MARVELD3: variants seen among roughly 807,000 people sequenced by gnomAD.
MARVELD3 encodes the protein MARVEL domain containing 3.
MARVELD3 carries 28 observed loss-of-function variants against 33.5 expected under a neutral mutation model. The ratio of observed to expected loss-of-function variants is 0.84; its 90% CI spans 0.62 to 1.15. The LOEUF is 1.15. Ranked by LOEUF, MARVELD3 falls within the 50% of genes most tolerant of loss-of-function variation. The probability of loss-of-function intolerance (pLI) is 0.00; values close to 1 mark genes in which losing one functional copy is unlikely to be tolerated. For synonymous variants in MARVELD3, 241 were observed against 230.4 expected, an observed-to-expected ratio of 1.05 and a Z score of -0.42; for missense variants, 582 against 547.6, an observed-to-expected ratio of 1.06 and a Z score of -0.63.
downstream of MARVELD3, chr16:71,639,128 A>G (rs2044600516): frequency 7.8e-6 from 1 of 128,086 alleles, no homozygotes. Context: ...CTAGAATACA[A>G]TGGCGCAATC....
intron 1 of MARVELD3, among the ~76,000 whole-genome samples, chr16:71,627,145 C>T (rs867914214): frequency 3.5e-4 from 54 of 152,232 alleles, no homozygotes; most frequent in Admixed American, 2.0e-4. Flanking sequence ...CCGGGCCGCC[C>T]ACTTGGGAAG....
downstream of MARVELD3, chr16:71,641,097 T>C (rs984236147): frequency 3.3e-6 from 5 of 1,513,670 alleles, no homozygotes; most frequent in African/African-American, 5.6e-5. Flanking sequence ...AAACTCCGCA[T>C]TAGACAACTA....
At position 71,626,963 on chromosome 16, in the gene MARVELD3, G is replaced by A; in HGVS notation, c.467+267G>A. The A allele has an allele frequency of 2.5e-6, 1 of 396,978 alleles. No individual in the cohort carries two copies. The highest frequency in any genetic ancestry group is 4.4e-6 in the Non-Finnish European group (1 of 227,518). 24.6% of individuals were successfully genotyped at this position (396,978 alleles called of 1,614,324 possible). ...CTGGAGGACCTGGAGAAGAGAAAGA[G>A]AGGCCCCGGGACCCGAGAGGGAGGG... On this transcript the variant is annotated intron_variant, in intron 1 of 2. Transcript: ENST00000268485. The surrounding 1 kb of genome is among the most constrained non-coding windows in gnomAD (Gnocchi z 5.3).
At chr16:71,641,843 G>A (rs1005165465) in exon 3 of MARVELD3, 5 of 152,178 alleles carry the variant, frequency 3.3e-5, no homozygotes, top group African/African-American at 1.2e-4. Context: ...TGCATTCCCT[G>A]ACAGTGCTCC....
Position 71,626,533 on chromosome 16 carries a change from G to A in MARVELD3, c.304G>A (p.Gly102Ser). The A allele has an allele frequency of 3.2e-6, 5 of 1,549,672 alleles. No individual in the cohort carries two copies. The highest frequency in any genetic ancestry group is 4.4e-6 in the Non-Finnish European group (5 of 1,146,804). The change falls in exon 1 of 3, where the codon GGT (glycine) becomes AGT (serine). Residue 102 changes from glycine (G) to serine (S), a missense_variant. Physicochemically the swap from Gly to Ser is moderately conservative, Grantham distance 56. Transcript: ENST00000268485. The surrounding 1 kb of genome is among the most constrained non-coding windows in gnomAD (Gnocchi z 5.3). ...ACACAGGGACGCGGGCCCTCGCGCA[G>A]GTGAACACGGAGTTTGGGAAAAACC... ...DTHRDAGPRAGEHGVWEKPRQ... is the reference protein window; with the variant it reads ...DTHRDAGPRASEHGVWEKPRQ...
rs769578928 is a variant in MARVELD3 at position 71,629,421 on chromosome 16, G to A, written c.522G>A (p.Glu174=). 2 of 1,584,090 alleles carry A rather than the reference G, an allele frequency of 1.3e-6. No homozygotes were observed. Among genetic ancestry groups the A allele is most frequent in the Admixed American group, 1.8e-5 (1 of 54,296 alleles). The change falls in exon 2 of 3, where the codon GAG becomes GAA. Residue 174 remains glutamate, a synonymous_variant. Transcript: ENST00000268485. ...LPSTPRPGRE[E]VEYYQSEAEG... ...CGACCCCCAGGCCTGGACGAGAGGA[G>A]GTGGAATATTACCAGTCAGAGGCGG...
chr16:71,628,862 G>C (rs1338161898), intron 1 of MARVELD3, among the ~76,000 whole-genome samples: 2 of 152,320 alleles, frequency 1.3e-5, no homozygotes, highest in Admixed American at 1.3e-4. Context: ...AGCAAGGAGA[G>C]AAGGGACAGA....
chr16:71,628,048 C>T (rs2044491797), intron 1 of MARVELD3, among the ~76,000 whole-genome samples: 1 of 152,180 alleles, frequency 6.6e-6, no homozygotes, highest in African/African-American at 2.4e-5. Context: ...CTGCTATGTC[C>T]ACACAGCGGG....
In MARVELD3 at chr16:71,634,560, G is replaced by A. The variant is rs1329573315; in HGVS notation, c.963G>A (p.Leu321=). Residue 321 remains leucine (L), a synonymous_variant, in exon 3 of 3, where the codon TTG becomes TTA. Transcript: ENST00000268485. ...MLIAGGYIPA[L]YFYFHYLSAA... is the part of the protein sequence containing the mutation. The stretch of plus-strand genomic sequence containing the variant: ...TCGCGGGGGGGTACATCCCGGCCTT[G>A]TACTTCTACTTCCACTACCTCTCTG... The A allele has an allele frequency of 1.5e-5, 25 of 1,614,178 alleles. No homozygotes were observed. The highest frequency in any genetic ancestry group is 2.0e-5 in the Non-Finnish European group (24 of 1,180,042).
Position 71,634,463 on chromosome 16 carries a change from C to G in MARVELD3, c.866C>G (p.Ala289Gly), listed in dbSNP as rs1223759837. Residue 289 changes from alanine (A) to glycine (G), a missense_variant, in exon 3 of 3, where the codon GCC becomes GGC. By Grantham distance (60) the Ala-to-Gly change is moderately conservative (BLOSUM62 0). Transcript: ENST00000268485. ...ALTALCCLFV[A>G]MGVLRVPWHC... ...ACAGCCCTCTGCTGCCTCTTCGTTGCCATGGGTGTCCTGCGGGTCCCGTGG... is the reference window on the plus strand; with the variant it reads ...ACAGCCCTCTGCTGCCTCTTCGTTGGCATGGGTGTCCTGCGGGTCCCGTGG... The G allele has an allele frequency of 1.9e-6, 3 of 1,614,076 alleles. No individual in the cohort carries two copies. Among genetic ancestry groups the G allele is most frequent in the Non-Finnish European group, 1.7e-6 (2 of 1,180,036 alleles).
rs747648304 is a variant in MARVELD3, at chr16:71,634,745, A to T, written c.1148A>T (p.Lys383Met). ...VFALGAVLAIKGYRKVRKLKE... is the reference protein window; with the variant it reads ...VFALGAVLAIMGYRKVRKLKE... ...GCCCTGGGGGCTGTCCTGGCCATAA[A>T]GGGCTACCGAAAAGTTAGGAAGCTA... Residue 383 changes from lysine (K) to methionine (M), a missense_variant, in exon 3 of 3, where the codon AAG (lysine) becomes ATG (methionine). By Grantham distance (95) the Lys-to-Met change is moderately conservative (BLOSUM62 -1). Coordinates refer to ENST00000268485, the MANE Select transcript of MARVELD3 (RefSeq NM_052858.6). The T allele has an allele frequency of 7.4e-6, 12 of 1,611,054 alleles. No homozygotes were observed. The Admixed American group carries it at 2.0e-4, about 27-fold the overall frequency.
rs1249302655 is a variant in MARVELD3, at chr16:71,634,478, G to T, written c.881G>T (p.Arg294Leu). Residue 294 changes from arginine (R) to leucine (L), a missense_variant, in exon 3 of 3, where the codon CGG becomes CTG. By Grantham distance (102) the Arg-to-Leu change is moderately radical. Coordinates refer to ENST00000268485, the MANE Select transcript of MARVELD3 (RefSeq NM_052858.6). ...CTCTTCGTTGCCATGGGTGTCCTGC[G>T]GGTCCCGTGGCATTGTCCACTGTTG... ...CCLFVAMGVL[R>L]VPWHCPLLLV... 6.2e-7 allele frequency: 1 copy of T among 1,614,156 alleles called. No individual in the cohort carries two copies.
At position 71,634,216 on chromosome 16, in the gene MARVELD3, C is replaced by T. The variant is rs764597846; in HGVS notation, c.619C>T (p.Leu207Phe). Residue 207 changes from leucine (L) to phenylalanine (F), a missense_variant, in exon 3 of 3, where the codon CTC becomes TTC. Physicochemically the swap from Leu to Phe is conservative, Grantham distance 22 (BLOSUM62 0). Coordinates refer to ENST00000268485, the MANE Select transcript of MARVELD3 (RefSeq NM_052858.6). ...GRACCQMLEVLLNLLILACSS... is the reference protein window; with the variant it reads ...GRACCQMLEVFLNLLILACSS... The stretch of plus-strand genomic sequence containing the variant: ...AGCCTGCTGCCAAATGCTGGAGGTT[C>T]TCCTGAACTTGCTGATCCTGGCCTG... 39 of 1,606,668 alleles carry T rather than the reference C, an allele frequency of 2.4e-5. No homozygotes were observed. In the Admixed American group the frequency reaches 6.5e-4, roughly 27 times the overall value.
rs879550818 is a variant in MARVELD3 at position 71,634,469 on chromosome 16, G to T, written c.872G>T (p.Gly291Val). Residue 291 changes from glycine (G) to valine (V), a missense_variant, in exon 3 of 3, where the codon GGT becomes GTT. Physicochemically the swap from Gly to Val is moderately radical, Grantham distance 109. Transcript: ENST00000268485. ...CTCTGCTGCCTCTTCGTTGCCATGG[G>T]TGTCCTGCGGGTCCCGTGGCATTGT... ...TALCCLFVAM[G>V]VLRVPWHCPL... 6.2e-7 allele frequency: 1 copy of T among 1,614,092 alleles called. No individual in the cohort carries two copies. Among genetic ancestry groups the T allele is most frequent in the African/African-American group, 1.3e-5 (1 of 74,932 alleles).
At chr16:71,641,102 C>A, downstream of MARVELD3, 1 of 1,500,192 alleles carries the variant, frequency 6.7e-7, no homozygotes, top group East Asian at 2.3e-5. Context: ...CCGCATTAGA[C>A]AACTATGGTT....
intron 2 of MARVELD3, chr16:71,629,811 A>G (rs1655898451): frequency 2.6e-6 from 1 of 384,696 alleles, no homozygotes; most frequent in African/African-American, 2.1e-5. Flanking sequence ...ATGAGCTGCC[A>G]GCTGTCAGAG....
chr16:71,640,954 G>C, downstream of MARVELD3: 1 of 1,613,912 alleles, frequency 6.2e-7, no homozygotes, highest in East Asian at 2.2e-5. Flanking sequence ...GAACAGAAGC[G>C]CTACAAAGGC....
rs1016380521 is a variant in MARVELD3 at position 71,634,962 on chromosome 16, T to A, written c.*159T>A. On this transcript the variant is annotated 3_prime_UTR_variant, in exon 3 of 3. Coordinates refer to ENST00000268485, the MANE Select transcript of MARVELD3 (RefSeq NM_052858.6). ...GAGCTCCCAGTCGCATGGAGCGGTG[T>A]TCATGGATGCAACAGACCCTGGCTT... 7.2e-5 allele frequency: 102 copies of A among 1,420,358 alleles called. No individual in the cohort carries two copies. Among genetic ancestry groups the A allele is most frequent in the Non-Finnish European group, 8.9e-5 (97 of 1,089,338 alleles). The allele number at this position is 1,420,358 out of a possible 1,614,324, so 88.0% of individuals were successfully genotyped here. A position where few individuals can be genotyped will look rare whatever the true frequency, so the allele number is the denominator to read the frequency against.
At chr16:71,633,586 G>A (rs2044552714) in intron 2 of MARVELD3, among the ~76,000 whole-genome samples, 1 of 151,956 alleles carries the variant, frequency 6.6e-6, no homozygotes, top group Admixed American at 6.6e-5. Flanking sequence ...GTAAAGACAG[G>A]GTACCACCAT....
Sources: gnomAD v4.1 joint callset for allele counts (sites outside exome capture counted in the v4.1 genomes callset) on GRCh38, gnomAD v4.1.1 for gene constraint, Gnocchi (gnomAD v3.1) non-coding constraint, MANE v1.5 for transcripts, NCBI Gene and HGNC (gene_info 2026-07-23, HGNC 2026-07-21) for gene names.